Variants in SRSF12 observed in about 807,000 individuals in gnomAD.
The protein encoded by SRSF12 is serine/arginine-rich splicing factor 12.
In SRSF12, 21 loss-of-function variants were observed where a neutral mutation model predicts 34.1. That is an observed-to-expected ratio of 0.62 (90% CI 0.44 to 0.89). The LOEUF (loss-of-function observed/expected upper bound fraction) is 0.89, where lower values mean the gene tolerates loss of function less well. Ranked by LOEUF, SRSF12 falls within the 40% of genes least tolerant of loss-of-function variation. The pLI is 0.00. For synonymous variants in SRSF12, 111 were observed against 110.8 expected (o/e 1.00, Z -0.01); for missense variants, 278 against 327.8 (o/e 0.85, Z 1.17).
intron 4 of SRSF12, among the ~76,000 whole-genome samples, chr6:89,099,486 G>A (rs1171172190): frequency 7.4e-6 from 1 of 135,164 alleles, no homozygotes; most frequent in Non-Finnish European, 1.5e-5. Context: ...ATATATGTGT[G>A]TGTATATATA....
intron 1 of SRSF12, among the ~76,000 whole-genome samples, 174 bp from the exon 2 acceptor site, chr6:89,107,432 GA>G (rs1296289374): frequency 6.6e-6 from 1 of 151,754 alleles, no homozygotes; most frequent in East Asian, 1.9e-4. Flanking sequence ...AAAAAGAAAG[GA>G]AAAAAACATT....
rs1325836260 is a variant in SRSF12, at chr6:89,098,568, C to T, written c.*10G>A. 6.2e-7 allele frequency: 1 copy of T among 1,600,974 alleles called. No homozygotes were observed. The highest frequency in any genetic ancestry group is 8.5e-7 in the Non-Finnish European group (1 of 1,171,556). ...TATTAAAGACGGCGTGGTGCTCTTT[C>T]TGTTGCTGTTCACCAACTGTTTTTA... On this transcript the variant is annotated 3_prime_UTR_variant, in exon 5 of 5. Transcript: ENST00000452027.
intron 1 of SRSF12, among the ~76,000 whole-genome samples, chr6:89,112,463 T>C (rs75038548): frequency 3.4e-5 from 5 of 148,382 alleles, no homozygotes; most frequent in South Asian, 2.1e-4. Flanking sequence ...TTTTTTTTTT[T>C]GGAGACAGGG....
At chr6:89,102,664 C>T (rs1417491873) in intron 4 of SRSF12, among the ~76,000 whole-genome samples, 2 of 152,138 alleles carry the variant, frequency 1.3e-5, no homozygotes, top group African/African-American at 4.8e-5. Flanking sequence ...TAACACTGTT[C>T]AGGAACATTT....
intron 4 of SRSF12, among the ~76,000 whole-genome samples, chr6:89,099,538 G>A (rs375295868): frequency 7.9e-6 from 1 of 126,236 alleles, no homozygotes; most frequent in African/African-American, 3.2e-5. Context: ...ACACATACAT[G>A]TTTTTTTTTT....
chr6:89,116,670 G>T (rs1478465730), intron 1 of SRSF12, among the ~76,000 whole-genome samples: 1 of 151,858 alleles, frequency 6.6e-6, no homozygotes, highest in Non-Finnish European at 1.5e-5. Flanking sequence ...ATCTACTTTG[G>T]ATGCTGAGGC....
chr6:89,098,502 TAAAGA>T lies in SRSF12; in HGVS notation c.*71_*75del. The T allele has an allele frequency of 1.3e-6, 2 of 1,491,850 alleles. No homozygotes were observed. Among genetic ancestry groups the T allele is most frequent in the Non-Finnish European group, 1.8e-6 (2 of 1,122,530 alleles). 92.4% of individuals were successfully genotyped at this position (1,491,850 alleles called of 1,614,324 possible). A position where few individuals can be genotyped will look rare whatever the true frequency, so the allele number is the denominator to read the frequency against. On this transcript the variant is annotated 3_prime_UTR_variant, in exon 5 of 5. Coordinates refer to ENST00000452027, the MANE Select transcript of SRSF12 (RefSeq NM_080743.5). ...ATCAACTCGCATTTTCTGTATGCCT[TAAAGA>T]ATTTTTATTTAACATAATGAGAGTT...
intron 1 of SRSF12, among the ~76,000 whole-genome samples, chr6:89,115,393 G>A (rs562562041): frequency 2.8e-4 from 42 of 151,256 alleles, no homozygotes; most frequent in African/African-American, 9.7e-4. Context: ...AGCGATTCTC[G>A]TGCCTCAGTC....
At chr6:89,101,916 A>G (rs1183488020) in intron 4 of SRSF12, among the ~76,000 whole-genome samples, 1 of 152,116 alleles carries the variant, frequency 6.6e-6, no homozygotes, top group Non-Finnish European at 1.5e-5. Context: ...AGATGTTTTC[A>G]GACAAAAGCT....
intron 1 of SRSF12, among the ~76,000 whole-genome samples, chr6:89,109,127 G>A (rs1346818244): frequency 7.2e-5 from 11 of 152,148 alleles, no homozygotes; most frequent in Admixed American, 2.6e-4. Flanking sequence ...CTGGCATAAA[G>A]ATTCTCAACC....
intron 4 of SRSF12, among the ~76,000 whole-genome samples, chr6:89,101,775 A>G (rs1768550688): frequency 6.6e-6 from 1 of 152,184 alleles, no homozygotes; most frequent in Admixed American, 6.5e-5. Context: ...AGGAGCAACC[A>G]CAAGACTGAC....
intron 4 of SRSF12, 68 bp from the exon 5 acceptor site, chr6:89,099,015 A>G (rs925064095): frequency 5.3e-6 from 8 of 1,495,844 alleles, no homozygotes; most frequent in Non-Finnish European, 7.1e-6. Flanking sequence ...TAACACTTTC[A>G]GGAACTTACA....
intron 4 of SRSF12, among the ~76,000 whole-genome samples, chr6:89,100,832 G>A (rs764320122): frequency 8.2e-4 from 125 of 152,324 alleles, no homozygotes; most frequent in Admixed American, 2.0e-3. Context: ...ACTAGACTGG[G>A]TGCAGTGGCT....
At chr6:89,114,970 G>A (rs764231877) in intron 1 of SRSF12, among the ~76,000 whole-genome samples, 1 of 151,878 alleles carries the variant, frequency 6.6e-6, no homozygotes, top group Non-Finnish European at 1.5e-5. Context: ...TGAATTTTTT[G>A]TATCTTTAGT....
chr6:89,103,630 C>T (rs1359740105), intron 4 of SRSF12, among the ~76,000 whole-genome samples: 1 of 152,060 alleles, frequency 6.6e-6, no homozygotes, highest in Non-Finnish European at 1.5e-5. Context: ...TGCGCCTGGC[C>T]TGAATTTTTA....
intron 1 of SRSF12, 104 bp downstream of exon 1, chr6:89,117,691 GGCGCAGCCTGGGCCCGCGGGGAGGCTCC>G: frequency 2.3e-6 from 2 of 878,778 alleles, no homozygotes; most frequent in Non-Finnish European, 3.2e-6. Flanking sequence ...CTCCCCAAGT[GGCGCAGCCTGGGCCCGCGGGGAGGCTCC>G]GCGCAGCTCC....
intron 4 of SRSF12, among the ~76,000 whole-genome samples, chr6:89,104,367 G>T (rs1321295371): frequency 6.6e-6 from 1 of 151,800 alleles, no homozygotes; most frequent in Non-Finnish European, 1.5e-5. Flanking sequence ...CTCCTGAGTA[G>T]CTGGGATTAC....
Position 89,117,736 on chromosome 6 carries a change from C to T in SRSF12, c.65+87G>A, listed in dbSNP as rs117690601. 11 of 1,332,420 alleles carry T rather than the reference C, an allele frequency of 8.3e-6. No individual in the cohort carries two copies. The African/African-American group carries it at 1.6e-4, about 19-fold the overall frequency. The allele number at this position is 1,332,420 out of a possible 1,614,324, so 82.5% of individuals were successfully genotyped here. ...GGAGGCTCCGCGCAGCTCCCCCGAG[C>T]CTCCGCCGGGCCTCGGCCGTGCTCC... On this transcript the variant is annotated intron_variant, in intron 1 of 4. Transcript: ENST00000452027.
At chr6:89,117,292 T>C (rs1294040635) in intron 1 of SRSF12, among the ~76,000 whole-genome samples, 1 of 152,176 alleles carries the variant, frequency 6.6e-6, no homozygotes, top group Non-Finnish European at 1.5e-5. Context: ...GTGAATAAAA[T>C]GCAAGCAGCA....
Sources: gnomAD v4.1 joint callset for allele counts (sites outside exome capture counted in the v4.1 genomes callset) on GRCh38, gnomAD v4.1.1 for gene constraint, MANE v1.5 for transcripts, NCBI Gene and HGNC (gene_info 2026-07-23, HGNC 2026-07-21) for gene names.